The following ANKRD9 variants were observed in gnomAD, a reference collection of about 807,000 sequenced individuals.
ANKRD9 encodes the protein ankyrin repeat domain-containing protein 9.
A neutral mutation model predicts 19.2 loss-of-function variants in ANKRD9; 13 were observed. That is an observed-to-expected ratio of 0.68 (90% CI 0.44 to 1.08). The LOEUF is 1.08. ANKRD9 is among the 50% of genes least tolerant of loss of function. ANKRD9 has a pLI of 0.00. For missense variants in ANKRD9, 518 were observed against 499.9 expected, an observed-to-expected ratio of 1.04 and a Z score of -0.34; for synonymous variants, 278 against 256.8, an observed-to-expected ratio of 1.08 and a Z score of -0.79.
Position 102,507,015 on chromosome 14 carries a change from G to A in ANKRD9, c.875C>T (p.Pro292Leu), listed in dbSNP as rs1891611472. ...GTCCAGGGCCTCGGGGAAGCGGCCT[G>A]GAGAGATGGCGGTGACCAGCACCTG... is the stretch of plus-strand genomic sequence containing the variant. ...AMQVLVTAISPGRFPEALDEL... is the reference protein window; with the variant it reads ...AMQVLVTAISLGRFPEALDEL... The change falls in exon 4 of 4, where the codon CCA becomes CTA. Residue 292 changes from proline to leucine, a missense_variant. Transcript: ENST00000286918. The surrounding 1 kb of genome is among the most constrained non-coding windows in gnomAD (Gnocchi z 9.2). The A allele has an allele frequency of 6.3e-7, 1 of 1,584,470 alleles. No individual in the cohort carries two copies. The highest frequency in any genetic ancestry group is 8.5e-7 in the Non-Finnish European group (1 of 1,170,856).
rs1358989396 is a variant in ANKRD9 at position 102,508,142 on chromosome 14, T to G, written c.-53-200A>C. ...CCACCGCCTCCATCCTTGATCTAGC[T>G]GTACCTGTTCTCCCTCCTTGAAACT... On this transcript the variant is annotated intron_variant, in intron 3 of 3. Coordinates refer to ENST00000286918, the MANE Select transcript of ANKRD9 (RefSeq NM_152326.4). The surrounding 1 kb of genome is among the most constrained non-coding windows in gnomAD (Gnocchi z 6.2). Among the ~76,000 whole-genome samples, 2 of 152,144 alleles carry G rather than the reference T, an allele frequency of 1.3e-5. No individual in the cohort carries two copies. Among genetic ancestry groups the G allele is most frequent in the Admixed American group, 1.3e-4 (2 of 15,272 alleles).
chr14:102,507,745 G>T lies in ANKRD9; in HGVS notation c.145C>A (p.Leu49Met). Residue 49 changes from leucine (L) to methionine (M), a missense_variant, in exon 4 of 4, where the codon CTG becomes ATG. Leu to Met is a conservative substitution (Grantham distance 15). Transcript: ENST00000286918. This position sits in a 1 kb window ranked among gnomAD's most constrained non-coding sequence, Gnocchi z 9.2. ...TCGCTGGCGCGCATATCCTCCAGCA[G>T]CCACACGGGTAGCAGGTCGCGCACC... The part of the protein sequence containing the change: ...QAVRDLLPVW[L>M]LEDMRASEAF... The T allele has an allele frequency of 3.3e-6, 5 of 1,501,242 alleles. No homozygotes were observed. Among genetic ancestry groups the T allele is most frequent in the Non-Finnish European group, 3.6e-6 (4 of 1,126,426 alleles). 93.0% of individuals were successfully genotyped at this position (1,501,242 alleles called of 1,614,324 possible).
Position 102,507,426 on chromosome 14 carries a change from C to A in ANKRD9, c.464G>T (p.Arg155Leu), listed in dbSNP as rs770603837. ...CAGCGACGTGCCACCGCCCTCCACG[C>A]GGCTGCAGCCACGCCGGTCCAGCAC... ...ARVLDRRGCS[R>L]VEGGGTSLHV... Residue 155 changes from arginine (R) to leucine (L), a missense_variant, in exon 4 of 4, where the codon CGC (arginine) becomes CTC (leucine). Transcript: ENST00000286918. The surrounding 1 kb of genome is among the most constrained non-coding windows in gnomAD (Gnocchi z 9.2). 154 of 1,379,202 alleles carry A rather than the reference C, an allele frequency of 1.1e-4. 1 individual carries two copies. Among genetic ancestry groups the A allele is most frequent in the Non-Finnish European group, 1.4e-4 (146 of 1,062,110 alleles). 85.4% of individuals were successfully genotyped at this position (1,379,202 alleles called of 1,614,324 possible).
At position 102,507,169 on chromosome 14, in the gene ANKRD9, C is replaced by CGGGGGTGTACAGCGCCA; in HGVS notation, c.704_720dup (p.Val241TrpfsTer89). 7.1e-7 allele frequency: 1 copy of CGGGGGTGTACAGCGCCA among 1,400,186 alleles called. No homozygotes were observed. The highest frequency in any genetic ancestry group is 9.2e-7 in the Non-Finnish European group (1 of 1,084,682). 86.7% of individuals were successfully genotyped at this position (1,400,186 alleles called of 1,614,324 possible). A position where few individuals can be genotyped will look rare whatever the true frequency, so the allele number is the denominator to read the frequency against. On this transcript the variant is annotated frameshift_variant, in exon 4 of 4. Transcript: ENST00000286918. LOFTEE classifies it high-confidence loss of function. The surrounding 1 kb of genome is among the most constrained non-coding windows in gnomAD (Gnocchi z 9.2). Reference sequence around the variant, plus strand: ...TGGCGGGCCGAGCCGGCGGCACCCACGGGGGTGTACAGCGCCAGGAGGTCC... The same window carrying CGGGGGTGTACAGCGCCA: ...TGGCGGGCCGAGCCGGCGGCACCCACGGGGGTGTACAGCGCCAGGGGGTGTACAGCGCCAGGAGGTCC...
Position 102,508,284 on chromosome 14 carries a change from G to A in ANKRD9, c.-54+191C>T, listed in dbSNP as rs1891678683. On this transcript the variant is annotated intron_variant, in intron 3 of 3. Transcript: ENST00000286918. This position sits in a 1 kb window ranked among gnomAD's most constrained non-coding sequence, Gnocchi z 6.2. ...GAGCTTCTGTTCCCACCTAAGCCAG[G>A]TTCATACGACCCCAAATAAAGAAAA... Among the ~76,000 whole-genome samples, 3 of 152,120 alleles carry A rather than the reference G, an allele frequency of 2.0e-5. No individual in the cohort carries two copies. Among genetic ancestry groups the A allele is most frequent in the Non-Finnish European group, 4.4e-5 (3 of 68,022 alleles).
Position 102,507,319 on chromosome 14 carries a change from CG to C in ANKRD9, c.570del (p.Gly191AlafsTer133). ...GHGASPGLRD[G>X]GGLTPLELLL... The stretch of plus-strand genomic sequence containing the variant: ...AGCAGCTCGAGAGGCGTGAGGCCGC[CG>C]CCGTCCCGCAGACCGGGCGAGGCGC... On this transcript the variant is annotated frameshift_variant, in exon 4 of 4. Transcript: ENST00000286918. LOFTEE classifies it high-confidence loss of function. The surrounding 1 kb of genome is among the most constrained non-coding windows in gnomAD (Gnocchi z 9.2). 7.8e-7 allele frequency: 1 copy of C among 1,283,538 alleles called. No individual in the cohort carries two copies. The highest frequency in any genetic ancestry group is 9.9e-7 in the Non-Finnish European group (1 of 1,011,254). 79.5% of individuals were successfully genotyped at this position (1,283,538 alleles called of 1,614,324 possible).
Position 102,507,654 on chromosome 14 carries a change from G to A in ANKRD9, c.236C>T (p.Ala79Val). The A allele has an allele frequency of 1.9e-6, 3 of 1,548,620 alleles. No individual in the cohort carries two copies. Among genetic ancestry groups the A allele is most frequent in the Non-Finnish European group, 8.7e-7 (1 of 1,152,558 alleles). ...AYSPSEALLY[A>V]LVHDHQAYAH... Reference sequence around the variant, plus strand: ...GTACGCTTGGTGGTCGTGCACGAGCGCGTAGAGCAGCGCCTCAGAGGGCGA... The same window carrying A: ...GTACGCTTGGTGGTCGTGCACGAGCACGTAGAGCAGCGCCTCAGAGGGCGA... The change falls in exon 4 of 4, where the codon GCG (alanine) becomes GTG (valine). Residue 79 changes from alanine to valine, a missense_variant. Physicochemically the swap from Ala to Val is moderately conservative, Grantham distance 64 (BLOSUM62 0). Coordinates refer to ENST00000286918, the MANE Select transcript of ANKRD9 (RefSeq NM_152326.4). The surrounding 1 kb of genome is among the most constrained non-coding windows in gnomAD (Gnocchi z 9.2).
chr14:102,507,494 GATGCGGCGCAGA>G lies in ANKRD9; in HGVS notation c.384_395del (p.Arg131_Arg134del). ...CCGGGAAGTCGCGCAAGGTGCGCAG[GATGCGGCGCAGA>G]ATGCCCACGCGGTTGTAGCGCACTG... On this transcript the variant is annotated inframe_deletion, in exon 4 of 4. Coordinates refer to ENST00000286918, the MANE Select transcript of ANKRD9 (RefSeq NM_152326.4). The surrounding 1 kb of genome is among the most constrained non-coding windows in gnomAD (Gnocchi z 9.2). 7.2e-7 allele frequency: 1 copy of G among 1,381,032 alleles called. No individual in the cohort carries two copies. The highest frequency in any genetic ancestry group is 3.5e-5 in the East Asian group (1 of 28,914). 85.5% of individuals were successfully genotyped at this position (1,381,032 alleles called of 1,614,324 possible).
rs1007201340 is a variant in ANKRD9 at position 102,506,741 on chromosome 14, G to A, written c.*195C>T. ...ACTCCCTTCAGGGGCTGGACAGCGA[G>A]CTGAAGGCCCGAGCCCAGCTGCACC... On this transcript the variant is annotated 3_prime_UTR_variant, in exon 4 of 4. Coordinates refer to ENST00000286918, the MANE Select transcript of ANKRD9 (RefSeq NM_152326.4). The A allele has an allele frequency of 1.7e-5, 12 of 704,550 alleles. No individual in the cohort carries two copies. Among genetic ancestry groups the A allele is most frequent in the Non-Finnish European group, 2.2e-5 (11 of 500,626 alleles). 43.6% of individuals were successfully genotyped at this position (704,550 alleles called of 1,614,324 possible). A position where few individuals can be genotyped will look rare whatever the true frequency, so the allele number is the denominator to read the frequency against.
Position 102,508,594 on chromosome 14 carries a change from G to C in ANKRD9, c.-128-45C>G, listed in dbSNP as rs1440278298. 6.6e-6 allele frequency: 1 copy of C among 152,190 alleles called. No homozygotes were observed. Among genetic ancestry groups the C allele is most frequent in the Non-Finnish European group, 1.5e-5 (1 of 68,060 alleles). 9.4% of individuals were successfully genotyped at this position (152,190 alleles called of 1,614,324 possible). On this transcript the variant is annotated intron_variant, in intron 2 of 3. Transcript: ENST00000286918. This position sits in a 1 kb window ranked among gnomAD's most constrained non-coding sequence, Gnocchi z 6.2. ...TGGACGACGGCTGTGCGGGCGGGGT[G>C]AGCCTGGGGCGTGGCACCAGCCCTC...
At chr14:102,509,364 C>T (rs1016181673) in intron 1 of ANKRD9, 165 bp downstream of exon 1, 1 of 151,996 alleles carries the variant, frequency 6.6e-6, no homozygotes, top group Admixed American at 6.5e-5. Context: ...CCTACCCGTC[C>T]CCTCCCGGCC....
At position 102,508,838 on chromosome 14, in the gene ANKRD9, G is replaced by C. The variant is rs1418679105; in HGVS notation, c.-326C>G. On this transcript the variant is annotated 5_prime_UTR_variant, in exon 2 of 4. Coordinates refer to ENST00000286918, the MANE Select transcript of ANKRD9 (RefSeq NM_152326.4). This position sits in a 1 kb window ranked among gnomAD's most constrained non-coding sequence, Gnocchi z 6.2. Reference sequence around the variant, plus strand: ...TCTCCAAGGTCAGCAAGCCACGGCAGAGCCAGGCCTAGAACTCAGGTCCCC... The same window carrying C: ...TCTCCAAGGTCAGCAAGCCACGGCACAGCCAGGCCTAGAACTCAGGTCCCC... 2 of 152,120 alleles carry C rather than the reference G, an allele frequency of 1.3e-5. No individual in the cohort carries two copies. The highest frequency in any genetic ancestry group is 1.3e-4 in the Admixed American group (2 of 15,252). 9.4% of individuals were successfully genotyped at this position (152,120 alleles called of 1,614,324 possible).
chr14:102,503,291 T>TC lies in ANKRD9; in HGVS notation c.*3644_*3645insG. The TC allele has an allele frequency of 6.7e-6, 1 of 148,444 alleles. No homozygotes were observed. Among genetic ancestry groups the TC allele is most frequent in the Admixed American group, 6.7e-5 (1 of 14,986 alleles). The allele number at this position is 148,444 out of a possible 1,614,324, so 9.2% of individuals were successfully genotyped here. A position where few individuals can be genotyped will look rare whatever the true frequency, so the allele number is the denominator to read the frequency against. On this transcript the variant is annotated 3_prime_UTR_variant, in exon 4 of 4. Coordinates refer to ENST00000286918, the MANE Select transcript of ANKRD9 (RefSeq NM_152326.4). Reference sequence around the variant, plus strand: ...GAAATCTGTCTTTCCATCTTTTTTTTTTTTTTTTTTGAGATGGAGTCTTGC... The same window carrying TC: ...GAAATCTGTCTTTCCATCTTTTTTTTCTTTTTTTTTTGAGATGGAGTCTTGC...
rs747859227 is a variant in ANKRD9, at chr14:102,506,936, C to T, written c.954G>A (p.Ter318=). Residue 318 remains the stop codon, a stop_retained_variant, in exon 4 of 4, where the codon TAG becomes TAA. Coordinates refer to ENST00000286918, the MANE Select transcript of ANKRD9 (RefSeq NM_152326.4). The part of the protein sequence containing the change: ...LQPLDLTGKG[*] Reference sequence around the variant, plus strand: ...ATCCAGCGCCTAGGGTGCTCCGGGCCTAGCCTTTGCCAGTGAGGTCCAACG... The same window carrying T: ...ATCCAGCGCCTAGGGTGCTCCGGGCTTAGCCTTTGCCAGTGAGGTCCAACG... 6.6e-7 allele frequency: 1 copy of T among 1,508,238 alleles called. No individual in the cohort carries two copies. The highest frequency in any genetic ancestry group is 8.9e-7 in the Non-Finnish European group (1 of 1,126,838). The allele number at this position is 1,508,238 out of a possible 1,614,324, so 93.4% of individuals were successfully genotyped here. A position where few individuals can be genotyped will look rare whatever the true frequency, so the allele number is the denominator to read the frequency against.
chr14:102,507,743 C>A lies in ANKRD9; in HGVS notation c.147G>T (p.Leu49=). ...QAVRDLLPVW[L]LEDMRASEAF... Reference sequence around the variant, plus strand: ...CCTCGCTGGCGCGCATATCCTCCAGCAGCCACACGGGTAGCAGGTCGCGCA... The same window carrying A: ...CCTCGCTGGCGCGCATATCCTCCAGAAGCCACACGGGTAGCAGGTCGCGCA... Residue 49 remains leucine (L), a synonymous_variant, in exon 4 of 4, where the codon CTG becomes CTT. Transcript: ENST00000286918. This position sits in a 1 kb window ranked among gnomAD's most constrained non-coding sequence, Gnocchi z 9.2. 1 of 1,519,600 alleles carries A rather than the reference C, an allele frequency of 6.6e-7. No individual in the cohort carries two copies. Among genetic ancestry groups the A allele is most frequent in the South Asian group, 1.2e-5 (1 of 83,744 alleles). The allele number at this position is 1,519,600 out of a possible 1,614,324, so 94.1% of individuals were successfully genotyped here. A position where few individuals can be genotyped will look rare whatever the true frequency, so the allele number is the denominator to read the frequency against.
Position 102,503,812 on chromosome 14 carries a change from T to C in ANKRD9, c.*3124A>G, listed in dbSNP as rs1891509967. On this transcript the variant is annotated 3_prime_UTR_variant, in exon 4 of 4. Transcript: ENST00000286918. ...AGTAGTCTTCTGTGACTAAACTTGT[T>C]TTCCGCCCTCCCAACTTCCAGGAAG... 1 of 152,210 alleles carries C rather than the reference T, an allele frequency of 6.6e-6. No individual in the cohort carries two copies. Among genetic ancestry groups the C allele is most frequent in the African/African-American group, 2.4e-5 (1 of 41,446 alleles). 9.4% of individuals were successfully genotyped at this position (152,210 alleles called of 1,614,324 possible). A position where few individuals can be genotyped will look rare whatever the true frequency, so the allele number is the denominator to read the frequency against.
In ANKRD9 at chr14:102,507,869, C is replaced by T; in HGVS notation, c.21G>A (p.Arg7=). The T allele has an allele frequency of 8.7e-7, 1 of 1,150,658 alleles. No homozygotes were observed. The highest frequency in any genetic ancestry group is 1.1e-6 in the Non-Finnish European group (1 of 928,014). The allele number at this position is 1,150,658 out of a possible 1,614,324, so 71.3% of individuals were successfully genotyped here. The change falls in exon 4 of 4, where the codon CGG becomes CGA. Residue 7 remains arginine (R), a synonymous_variant. Transcript: ENST00000286918. This position sits in a 1 kb window ranked among gnomAD's most constrained non-coding sequence, Gnocchi z 9.2. MPWDAR[R]PGGGADGGPE... is the part of the protein sequence containing the mutation. ...GCCCGCCGTCCGCGCCACCCCCAGG[C>T]CGCCGCGCGTCCCACGGCATGCTGG...
rs1187478383 is a variant in ANKRD9, at chr14:102,502,662, A to G, written c.*4274T>C. 1 of 152,228 alleles carries G rather than the reference A, an allele frequency of 6.6e-6. No individual in the cohort carries two copies. Among genetic ancestry groups the G allele is most frequent in the Admixed American group, 6.5e-5 (1 of 15,282 alleles). 9.4% of individuals were successfully genotyped at this position (152,228 alleles called of 1,614,324 possible). A position where few individuals can be genotyped will look rare whatever the true frequency, so the allele number is the denominator to read the frequency against. On this transcript the variant is annotated 3_prime_UTR_variant, in exon 4 of 4. Coordinates refer to ENST00000286918, the MANE Select transcript of ANKRD9 (RefSeq NM_152326.4). ...TGGTTTCATATATATATAAATATACACAGAAAAAAATGTAATATATATCTG... is the reference window on the plus strand; with the variant it reads ...TGGTTTCATATATATATAAATATACGCAGAAAAAAATGTAATATATATCTG...
rs1891479367 is a variant in ANKRD9 at position 102,502,850 on chromosome 14, CA to C, written c.*4085del. On this transcript the variant is annotated 3_prime_UTR_variant, in exon 4 of 4. Transcript: ENST00000286918. ...GGGCGCTTGAGACAGTGTTTCCCTG[CA>C]TCGTGGCCGGACCTCTCTACTCAAT... 1 of 152,192 alleles carries C rather than the reference CA, an allele frequency of 6.6e-6. No individual in the cohort carries two copies. Among genetic ancestry groups the C allele is most frequent in the African/African-American group, 2.4e-5 (1 of 41,422 alleles). 9.4% of individuals were successfully genotyped at this position (152,192 alleles called of 1,614,324 possible). A position where few individuals can be genotyped will look rare whatever the true frequency, so the allele number is the denominator to read the frequency against.
Sources: allele counts gnomAD v4.1 joint callset (sites outside exome capture counted in the v4.1 genomes callset), GRCh38; gene constraint gnomAD v4.1.1; non-coding constraint Gnocchi (gnomAD v3.1); transcripts MANE v1.5; gene names NCBI Gene and HGNC (gene_info 2026-07-23, HGNC 2026-07-21).